Variants in NKIRAS1 observed in about 807,000 individuals in gnomAD.
NKIRAS1 encodes the protein NFKB inhibitor interacting Ras like 1, also known as NF-kappa-B inhibitor-interacting Ras-like protein 1.
NKIRAS1 carries 16 observed loss-of-function variants against 19.8 expected under a neutral mutation model. The observed-to-expected ratio is 0.81, with a 90% CI of 0.55 to 1.23. The LOEUF is 1.23. Ranked by LOEUF, NKIRAS1 falls within the 50% of genes most tolerant of loss-of-function variation. The pLI is 0.00. For missense variants in NKIRAS1, 184 were observed against 220.0 expected, an observed-to-expected ratio of 0.84 and a Z score of 1.04; for synonymous variants, 88 against 79.0, an observed-to-expected ratio of 1.11 and a Z score of -0.61.
rs1360804169 is a variant in NKIRAS1 at position 23,891,042 on chromosome 3, A to G, written c.*2053T>C. On this transcript the variant is annotated 3_prime_UTR_variant, in exon 5 of 5. Transcript: ENST00000425478. ...AACATTGATATTTAACAGAGTTTTT[A>G]GAGATTGTCATCTCATATATATAAA... The G allele has an allele frequency of 6.5e-6, 1 of 153,294 alleles. No individual in the cohort carries two copies. The highest frequency in any genetic ancestry group is 2.4e-5 in the African/African-American group (1 of 41,480). 9.5% of individuals were successfully genotyped at this position (153,294 alleles called of 1,614,324 possible). A position where few individuals can be genotyped will look rare whatever the true frequency, so the allele number is the denominator to read the frequency against.
At chr3:23,907,552 AT>A (rs1462238805) in intron 3 of NKIRAS1, among the ~76,000 whole-genome samples, 1 of 152,142 alleles carries the variant, frequency 6.6e-6, no homozygotes, top group African/African-American at 2.4e-5. Context: ...AGCCATTTGC[AT>A]TTTCCACTGT....
At chr3:23,916,726 G>A (rs555165836) in intron 1 of NKIRAS1, 58 bp downstream of exon 1, 1 of 152,426 alleles carries the variant, frequency 6.6e-6, no homozygotes, top group South Asian at 2.1e-4. Flanking sequence ...AGCGCAGCGC[G>A]GAGACGCGGA....
chr3:23,909,859 TTTTTG>T (rs1703486798), intron 3 of NKIRAS1, among the ~76,000 whole-genome samples: 1 of 117,630 alleles, frequency 8.5e-6, no homozygotes, highest in Non-Finnish European at 2.0e-5. Context: ...TTTTTGTTTT[TTTTTG>T]TTTTTTTTTT....
intron 1 of NKIRAS1, among the ~76,000 whole-genome samples, chr3:23,944,582 A>T (rs1282628018): frequency 6.6e-6 from 1 of 152,196 alleles, no homozygotes; most frequent in Non-Finnish European, 1.5e-5. Context: ...ACTGCACATT[A>T]GCTGAGTTCG....
At chr3:23,928,538 T>C (rs1366151528) in intron 1 of NKIRAS1, among the ~76,000 whole-genome samples, 1 of 151,850 alleles carries the variant, frequency 6.6e-6, no homozygotes, top group Admixed American at 6.6e-5. Flanking sequence ...CTAGAAACAC[T>C]GTAATTTCAG....
chr3:23,912,105 A>T (rs1703806023), intron 1 of NKIRAS1, among the ~76,000 whole-genome samples: 1 of 152,314 alleles, frequency 6.6e-6, no homozygotes, highest in East Asian at 1.9e-4. Flanking sequence ...TTGAGGAAGA[A>T]TAGACAACTC....
rs776854918 is a variant in NKIRAS1 at position 23,890,591 on chromosome 3, G to A, written c.*2504C>T. 9 of 1,613,032 alleles carry A rather than the reference G, an allele frequency of 5.6e-6. No individual in the cohort carries two copies. Among genetic ancestry groups the A allele is most frequent in the African/African-American group, 1.3e-5 (1 of 74,982 alleles). ...ACAGAATGGCCAGACAGTGGACCAA[G>A]AGATACGCTACATAAATTGGGGTTT... is the stretch of plus-strand genomic sequence containing the variant. On this transcript the variant is annotated 3_prime_UTR_variant, in exon 5 of 5. Coordinates refer to ENST00000425478, the MANE Select transcript of NKIRAS1 (RefSeq NM_020345.4).
Position 23,892,812 on chromosome 3 carries a change from C to G in NKIRAS1, c.*283G>C. On this transcript the variant is annotated 3_prime_UTR_variant, in exon 5 of 5. Coordinates refer to ENST00000425478, the MANE Select transcript of NKIRAS1 (RefSeq NM_020345.4). Reference sequence around the variant, plus strand: ...AGGTGCATTTGCATAACTATCCAAACTATTTTACTGTTTTCACAAGTACAA... The same window carrying G: ...AGGTGCATTTGCATAACTATCCAAAGTATTTTACTGTTTTCACAAGTACAA... The G allele has an allele frequency of 4.5e-6, 1 of 220,378 alleles. No homozygotes were observed. The highest frequency in any genetic ancestry group is 5.7e-5 in the Admixed American group (1 of 17,448). 13.7% of individuals were successfully genotyped at this position (220,378 alleles called of 1,614,324 possible).
chr3:23,929,008 AAAAAAGAAAAG>A (rs1464254724), intron 1 of NKIRAS1, among the ~76,000 whole-genome samples: 11 of 138,378 alleles, frequency 7.9e-5, no homozygotes, highest in African/African-American at 2.5e-4. Context: ...TTAAAAAAAA[AAAAAAGAAAAG>A]AAAAGAAAAG....
intron 1 of NKIRAS1, chr3:23,945,153 AGGGTAGCC>A (rs145516978): frequency 1.8e-5 from 2 of 112,444 alleles, no homozygotes; most frequent in East Asian, 3.3e-4. Flanking sequence ...GCAGGAGAAA[AGGGTAGCC>A]GGGGAGCCGG....
Position 23,900,971 on chromosome 3 carries a change from T to C in NKIRAS1, c.173A>G (p.His58Arg), listed in dbSNP as rs1428109739. The C allele has an allele frequency of 2.5e-6, 4 of 1,614,178 alleles. No homozygotes were observed. Among genetic ancestry groups the C allele is most frequent in the South Asian group, 1.1e-5 (1 of 91,084 alleles). ...ETDRGVKEQLHLYDTRGLQEG... is the reference protein window; with the variant it reads ...ETDRGVKEQLRLYDTRGLQEG... ...CTGTAGACCTCTGGTGTCATAAAGA[T>C]GTAACTGTTCTTTTACTCCTCGGTC... The change falls in exon 4 of 5, where the codon CAT (histidine) becomes CGT (arginine). Residue 58 changes from histidine (H) to arginine (R), a missense_variant. His to Arg is a conservative substitution (Grantham distance 29). Transcript: ENST00000425478.
chr3:23,932,831 G>A (rs1005530875), intron 1 of NKIRAS1, among the ~76,000 whole-genome samples: 3 of 152,060 alleles, frequency 2.0e-5, no homozygotes, highest in Non-Finnish European at 4.4e-5. Flanking sequence ...AAATCTGCTT[G>A]ATTTCTCTAT....
chr3:23,898,857 G>A (rs1394506048), intron 4 of NKIRAS1, among the ~76,000 whole-genome samples: 1 of 152,182 alleles, frequency 6.6e-6, no homozygotes, highest in Non-Finnish European at 1.5e-5. Flanking sequence ...GAGCAAGCAA[G>A]CATTACCACC....
In NKIRAS1 at chr3:23,922,393, T is replaced by C. The variant is rs1440942836; in HGVS notation, c.-139-10943A>G. On this transcript the variant is annotated intron_variant, in intron 1 of 4. Coordinates refer to the NKIRAS1 transcript ENST00000421515. This position sits in a 1 kb window ranked among gnomAD's most constrained non-coding sequence, Gnocchi z 4.2. ...TCAAATCCTATACACTTAAAGTTTA[T>C]TTGTTTTGTTTTGGTTTTTTTTGAG... 1.3e-5 allele frequency: 2 copies of C among 152,184 alleles called. No individual in the cohort carries two copies. The highest frequency in any genetic ancestry group is 4.8e-5 in the African/African-American group (2 of 41,422). 9.4% of individuals were successfully genotyped at this position (152,184 alleles called of 1,614,324 possible).
intron 4 of NKIRAS1, among the ~76,000 whole-genome samples, chr3:23,893,980 T>C (rs969812442): frequency 6.6e-6 from 1 of 151,996 alleles, no homozygotes; most frequent in Non-Finnish European, 1.5e-5. Flanking sequence ...ATTTGCAACA[T>C]AGTACTTCAA....
chr3:23,934,866 CTTA>C (rs1705368173), intron 1 of NKIRAS1, among the ~76,000 whole-genome samples: 3 of 150,718 alleles, frequency 2.0e-5, no homozygotes, highest in Admixed American at 2.0e-4. Flanking sequence ...TATCAGAAGA[CTTA>C]TTATCTCTGA....
intron 1 of NKIRAS1, among the ~76,000 whole-genome samples, chr3:23,935,805 A>G (rs1373095871): frequency 1.3e-5 from 2 of 152,000 alleles, no homozygotes; most frequent in Admixed American, 6.6e-5. Flanking sequence ...GGTCAGGCAC[A>G]GTGGCTCATC....
At chr3:23,918,253 A>T (rs146071240), upstream of NKIRAS1, 2,190 of 897,232 alleles carry the variant, frequency 2.4e-3, 8 homozygotes, top group Non-Finnish European at 3.2e-3. Context: ...CAAAATAAAC[A>T]GTGTGCCTCC....
chr3:23,938,871 G>T (rs1160649096), intron 1 of NKIRAS1, among the ~76,000 whole-genome samples: 1 of 152,216 alleles, frequency 6.6e-6, no homozygotes, highest in African/African-American at 2.4e-5. Flanking sequence ...AGGCTGCCAT[G>T]TTGTGAGGAA....
Sources: allele counts gnomAD v4.1 joint callset (sites outside exome capture counted in the v4.1 genomes callset), GRCh38; gene constraint gnomAD v4.1.1; non-coding constraint Gnocchi (gnomAD v3.1); transcripts MANE v1.5; gene names NCBI Gene and HGNC (gene_info 2026-07-23, HGNC 2026-07-21).